Variants in IL13RA1 observed in about 807,000 individuals in gnomAD.
The protein encoded by IL13RA1 is interleukin 13 receptor subunit alpha 1.
IL13RA1 carries 14 observed loss-of-function variants against 33.8 expected under a neutral mutation model. The ratio of observed to expected loss-of-function variants is 0.41; its 90% CI spans 0.27 to 0.65. The LOEUF (loss-of-function observed/expected upper bound fraction) is 0.65, where lower values mean the gene tolerates loss of function less well. IL13RA1 is among the 30% of genes least tolerant of loss of function. The pLI is 0.28. For missense variants in IL13RA1, 313 were observed against 327.0 expected, an observed-to-expected ratio of 0.96 and a Z score of 0.33; for synonymous variants, 116 against 115.7, an observed-to-expected ratio of 1.00 and a Z score of -0.02.
chrX:118,782,893 T>C (rs2017861897), intron 10 of IL13RA1, among the ~76,000 whole-genome samples: 1 of 111,277 alleles, frequency 9.0e-6, no homozygotes, highest in South Asian at 3.8e-4. Context: ...TGAGCTACCG[T>C]GCTGAGCCTC....
chrX:118,759,781 T>C (rs939967591), intron 5 of IL13RA1, among the ~76,000 whole-genome samples: 1 of 111,330 alleles, frequency 9.0e-6, no homozygotes, highest in African/African-American at 3.3e-5. Flanking sequence ...AATAAATTAT[T>C]TTTTTCTTTT....
At chrX:118,804,084 G>T in the IL13RA1 span, among the ~76,000 whole-genome samples, 1 of 106,932 alleles carries the variant, frequency 9.4e-6, no homozygotes, top group Non-Finnish European at 1.9e-5. Flanking sequence ...AACCTCTCAA[G>T]TAGCTGGGAT....
At chrX:118,736,313 A>G (rs937472726) in intron 1 of IL13RA1, among the ~76,000 whole-genome samples, 6 of 110,563 alleles carry the variant, frequency 5.4e-5, no homozygotes, top group Admixed American at 1.9e-4. Context: ...TCTTTGGGCC[A>G]TAGTTTCCTG....
chrX:118,786,347 C>T (rs979770430), intron 10 of IL13RA1, among the ~76,000 whole-genome samples: 4 of 109,085 alleles, frequency 3.7e-5, no homozygotes, highest in South Asian at 4.0e-4. Flanking sequence ...GCCAAGATCA[C>T]GCCTCTGCAC....
intron 10 of IL13RA1, among the ~76,000 whole-genome samples, chrX:118,780,655 A>G (rs1391977695): frequency 1.8e-5 from 2 of 111,774 alleles, no homozygotes; most frequent in Admixed American, 9.5e-5. Context: ...GGTGCCATAC[A>G]CTTTTAAACA....
chrX:118,748,143 A>G lies in IL13RA1; in HGVS notation c.367+1051A>G, dbSNP rs778311199. 8.8e-5 allele frequency among the ~76,000 whole-genome samples: 9 copies of G among 102,406 alleles called. No individual in the cohort carries two copies. In the East Asian group the frequency reaches 2.6e-3, roughly 30 times the overall value. 88.9% of individuals were successfully genotyped at this position (102,406 alleles called of 115,157 possible). ...ATAATATTATATAATATATAATTATATATAATATTATGTTGTCCCTTGGTT... is the reference window on the plus strand; with the variant it reads ...ATAATATTATATAATATATAATTATGTATAATATTATGTTGTCCCTTGGTT... On this transcript the variant is annotated intron_variant, in intron 3 of 10. Coordinates refer to ENST00000371666, the MANE Select transcript of IL13RA1 (RefSeq NM_001560.3).
intron 10 of IL13RA1, among the ~76,000 whole-genome samples, chrX:118,784,138 T>TATATACACAC (rs1556373154): frequency 7.0e-4 from 44 of 63,088 alleles, no homozygotes; most frequent in African/African-American, 3.7e-3. Context: ...TGTATATATA[T>TATATACACAC]ATATATATAC....
intron 8 of IL13RA1, among the ~76,000 whole-genome samples, chrX:118,769,238 C>G (rs1381086344): frequency 8.9e-6 from 1 of 112,232 alleles, no homozygotes; most frequent in Admixed American, 9.4e-5. Context: ...ACAATGGTGC[C>G]AGGCCTTGAT....
At chrX:118,770,649 C>A in intron 8 of IL13RA1, 1 of 404,681 alleles carries the variant, frequency 2.5e-6, no homozygotes, top group South Asian at 2.5e-5. Context: ...TCTACTGTGT[C>A]AACATCACCT....
In IL13RA1 at chrX:118,729,838, A is replaced by G. The variant is rs368254914; in HGVS notation, c.88+2112A>G. On this transcript the variant is annotated intron_variant, in intron 1 of 10. Transcript: ENST00000371666. ...GCATACCTGGCAAAGTGGAAGAGCTAGGTTTCCAACCCTGGCAGCCTGATT... is the reference window on the plus strand; with the variant it reads ...GCATACCTGGCAAAGTGGAAGAGCTGGGTTTCCAACCCTGGCAGCCTGATT... Among the ~76,000 whole-genome samples the G allele has an allele frequency of 3.6e-5, 4 of 112,151 alleles. No homozygotes were observed. The East Asian group carries it at 8.4e-4, about 23-fold the overall frequency.
intron 3 of IL13RA1, among the ~76,000 whole-genome samples, chrX:118,748,373 A>AC (rs1569455388): frequency 1.9e-5 from 2 of 106,127 alleles, no homozygotes; most frequent in Admixed American, 1.0e-4. Context: ...AAAAAAAAAA[A>AC]AAAAAAACGG....
chrX:118,799,851 T>C, the IL13RA1 span, among the ~76,000 whole-genome samples: 1 of 44,572 alleles, frequency 2.2e-5, no homozygotes, highest in Admixed American at 2.8e-4. Context: ...CACCTTGTGT[T>C]TAGCTCAAGG....
intron 1 of IL13RA1, among the ~76,000 whole-genome samples, chrX:118,728,060 G>A (rs1482175539): frequency 8.9e-6 from 1 of 112,733 alleles, no homozygotes; most frequent in Admixed American, 9.2e-5. Flanking sequence ...GGGGCGGGGG[G>A]CCCGAAACAT....
chrX:118,784,089 AAATATAT>A (rs1476222609), intron 10 of IL13RA1, among the ~76,000 whole-genome samples: 10 of 61,019 alleles, frequency 1.6e-4, no homozygotes, highest in Admixed American at 5.6e-4. Flanking sequence ...AAAAAAAAAA[AAATATAT>A]ATATATATAT....
intron 1 of IL13RA1, among the ~76,000 whole-genome samples, chrX:118,733,837 T>C (rs1030049038): frequency 8.9e-6 from 1 of 111,921 alleles, no homozygotes. Flanking sequence ...CTTTTTCATA[T>C]GGATATCCAG....
intron 4 of IL13RA1, among the ~76,000 whole-genome samples, chrX:118,754,976 G>A (rs1240871021): frequency 1.1e-5 from 1 of 92,095 alleles, no homozygotes; most frequent in East Asian, 3.4e-4. Flanking sequence ...TGGAGACAGA[G>A]TCTCATTCTG....
At chrX:118,794,610 T>G (rs1347970580), downstream of IL13RA1, 1 of 112,009 alleles carries the variant, frequency 8.9e-6, no homozygotes, top group Non-Finnish European at 1.9e-5. Flanking sequence ...GAAGAAACAT[T>G]ATGAAAAAAT....
intron 4 of IL13RA1, among the ~76,000 whole-genome samples, chrX:118,757,098 G>A (rs964261202): frequency 2.3e-4 from 26 of 111,689 alleles, no homozygotes; most frequent in African/African-American, 7.8e-4. Context: ...GACCAGAGGA[G>A]GAATCGTAGA....
intron 4 of IL13RA1, among the ~76,000 whole-genome samples, chrX:118,756,787 A>G (rs779573387): frequency 8.9e-6 from 1 of 112,052 alleles, no homozygotes; most frequent in Non-Finnish European, 1.9e-5. Flanking sequence ...GGTTGGAAGA[A>G]AAAACAGTTT....
Sources: gnomAD v4.1 joint callset for allele counts (sites outside exome capture counted in the v4.1 genomes callset) on GRCh38, gnomAD v4.1.1 for gene constraint, MANE v1.5 for transcripts, NCBI Gene and HGNC (gene_info 2026-07-23, HGNC 2026-07-21) for gene names.